The following LDAH variants were observed in gnomAD, a reference collection of about 807,000 sequenced individuals.
LDAH encodes lipid droplet-associated hydrolase.
A neutral mutation model predicts 29.6 loss-of-function variants in LDAH; 26 were observed. The observed-to-expected ratio is 0.88, with a 90% confidence interval of 0.64 to 1.22. The LOEUF (loss-of-function observed/expected upper bound fraction) is 1.22, where lower values mean the gene tolerates loss of function less well. Ranked by LOEUF, LDAH falls within the 50% of genes most tolerant of loss-of-function variation. The pLI is 0.00. For synonymous variants in LDAH, 117 were observed against 133.0 expected (o/e 0.88, Z 0.83); for missense variants, 344 against 387.3 (o/e 0.89, Z 0.94).
At chr2:20,696,548 A>G (rs551859360) in intron 6 of LDAH, among the ~76,000 whole-genome samples, 1 of 152,366 alleles carries the variant, frequency 6.6e-6, no homozygotes, top group East Asian at 1.9e-4. Context: ...GTCTGGCAGT[A>G]GCACACACCA....
intron 2 of LDAH, among the ~76,000 whole-genome samples, chr2:20,792,015 G>A (rs1436150721): frequency 6.6e-6 from 1 of 151,882 alleles, no homozygotes; most frequent in Non-Finnish European, 1.5e-5. Flanking sequence ...AACAGGTAGG[G>A]CAAATCCCTT....
Position 20,698,985 on chromosome 2 carries a change from T to C in LDAH, c.786+2585A>G, listed in dbSNP as rs991233711. On this transcript the variant is annotated intron_variant, in intron 6 of 6. Transcript: ENST00000237822. The surrounding 1 kb of genome is among the most constrained non-coding windows in gnomAD (Gnocchi z 4.4). ...ATTTAGAACCAAAGCCTGTAGATTA[T>C]GGTATGATAGTTCTCTTGGGGAGGA... Among the ~76,000 whole-genome samples the C allele has an allele frequency of 6.6e-6, 1 of 152,166 alleles. No individual in the cohort carries two copies. The highest frequency in any genetic ancestry group is 1.5e-5 in the Non-Finnish European group (1 of 68,036).
chr2:20,796,430 T>C (rs1013518871), intron 2 of LDAH, among the ~76,000 whole-genome samples: 2 of 152,190 alleles, frequency 1.3e-5, no homozygotes, highest in African/African-American at 2.4e-5. Context: ...AAGCCATCTA[T>C]TTCCATCTAT....
chr2:20,725,026 A>G (rs1023896636), intron 5 of LDAH, among the ~76,000 whole-genome samples: 2 of 152,188 alleles, frequency 1.3e-5, no homozygotes, highest in African/African-American at 2.4e-5. Context: ...ACCGCAATAT[A>G]TATGTGAGTT....
At chr2:20,760,180 A>G (rs1415372188) in intron 4 of LDAH, among the ~76,000 whole-genome samples, 1 of 152,150 alleles carries the variant, frequency 6.6e-6, no homozygotes, top group Non-Finnish European at 1.5e-5. Flanking sequence ...AATTGAGTGG[A>G]GTAGGAAGAG....
intron 5 of LDAH, among the ~76,000 whole-genome samples, chr2:20,709,845 T>A (rs1457308169): frequency 2.0e-5 from 3 of 152,110 alleles, no homozygotes; most frequent in African/African-American, 7.2e-5. Flanking sequence ...TGGCACATGC[T>A]AAACCATGAA....
At chr2:20,690,306 T>C (rs1390902457) in intron 6 of LDAH, among the ~76,000 whole-genome samples, 1 of 152,180 alleles carries the variant, frequency 6.6e-6, no homozygotes, top group Non-Finnish European at 1.5e-5. Context: ...GGTGTCAGTG[T>C]TCAAGACAGC....
chr2:20,774,874 A>C lies in LDAH; in HGVS notation c.404T>G (p.Leu135Arg). The change falls in exon 4 of 7, where the codon CTC becomes CGC. Residue 135 changes from leucine to arginine, a missense_variant. By Grantham distance (102) the Leu-to-Arg change is moderately radical. Transcript: ENST00000237822. Reference sequence around the variant, plus strand: ...ATAGCTGCCTATTGAATGGCCAATGAGCACAAGTTTCATGTCCTTTGGCAC... The same window carrying C: ...ATAGCTGCCTATTGAATGGCCAATGCGCACAAGTTTCATGTCCTTTGGCAC... ...THVPKDMKLV[L>R]IGHSIGSYFT... The C allele has an allele frequency of 6.2e-7, 1 of 1,613,638 alleles. No homozygotes were observed. Among genetic ancestry groups the C allele is most frequent in the Non-Finnish European group, 8.5e-7 (1 of 1,179,966 alleles).
At chr2:20,713,024 C>T (rs531954411) in intron 5 of LDAH, among the ~76,000 whole-genome samples, 5 of 151,574 alleles carry the variant, frequency 3.3e-5, no homozygotes, top group African/African-American at 7.3e-5. Context: ...ATTCAAATTC[C>T]GGAAATACAG....
intron 5 of LDAH, among the ~76,000 whole-genome samples, chr2:20,735,781 C>T (rs1236975380): frequency 1.3e-5 from 2 of 152,222 alleles, no homozygotes; most frequent in Non-Finnish European, 2.9e-5. Flanking sequence ...CTTCTGTTGA[C>T]ACCCAAGGGA....
At chr2:20,744,921 C>T (rs183280165) in intron 4 of LDAH, among the ~76,000 whole-genome samples, 17 of 152,118 alleles carry the variant, frequency 1.1e-4, no homozygotes, top group Non-Finnish European at 1.5e-5. Flanking sequence ...GCTCTAGTAA[C>T]TTGTGGCTCT....
intron 4 of LDAH, among the ~76,000 whole-genome samples, chr2:20,740,906 T>C (rs1667126292): frequency 6.6e-6 from 1 of 152,218 alleles, no homozygotes. Flanking sequence ...AGGTGCTCCA[T>C]ATCCTGCTGT....
chr2:20,753,416 A>C (rs1668097927), intron 4 of LDAH, among the ~76,000 whole-genome samples: 2 of 152,228 alleles, frequency 1.3e-5, no homozygotes, highest in South Asian at 4.1e-4. Context: ...AAATACAACT[A>C]TCACTGGCTG....
At chr2:20,812,883 T>C (rs1477532673) in intron 1 of LDAH, among the ~76,000 whole-genome samples, 2 of 152,330 alleles carry the variant, frequency 1.3e-5, no homozygotes, top group South Asian at 2.1e-4. Context: ...ACAGATGCTA[T>C]CTAAATTTAA....
At position 20,754,992 on chromosome 2, in the gene LDAH, T is replaced by C. The variant is rs140809431; in HGVS notation, c.469-14787A>G. ...TACATCAATATTACATTTACTGACA[T>C]TGATAACTGTACTGTGGTTGATTAA... is the stretch of plus-strand genomic sequence containing the variant. On this transcript the variant is annotated intron_variant, in intron 4 of 6. Coordinates refer to ENST00000237822, the MANE Select transcript of LDAH (RefSeq NM_021925.4). 2.8e-4 allele frequency among the ~76,000 whole-genome samples: 43 copies of C among 152,256 alleles called. 1 individual carries two copies. In the East Asian group the frequency reaches 8.3e-3, roughly 29 times the overall value.
At chr2:20,788,669 T>A (rs1022528328) in intron 3 of LDAH, among the ~76,000 whole-genome samples, 46 of 152,038 alleles carry the variant, frequency 3.0e-4, no homozygotes, top group African/African-American at 1.1e-3. Flanking sequence ...AGAAGCAAAC[T>A]GGGCAATGAA....
At position 20,735,741 on chromosome 2, in the gene LDAH, C is replaced by G. The variant is rs568952351; in HGVS notation, c.703+4230G>C. Reference sequence around the variant, plus strand: ...TTAGATGTTTTTTTCACTATGGCCACGTAGGGTAGAGTCTAAGTTACCCAT... The same window carrying G: ...TTAGATGTTTTTTTCACTATGGCCAGGTAGGGTAGAGTCTAAGTTACCCAT... On this transcript the variant is annotated intron_variant, in intron 5 of 6. Transcript: ENST00000237822. Among the ~76,000 whole-genome samples, 217 of 152,170 alleles carry G rather than the reference C, an allele frequency of 1.4e-3. 4 individuals carry two copies. In the South Asian group the frequency reaches 0.042, roughly 29 times the overall value.
In LDAH at chr2:20,684,743, G is replaced by A. The variant is rs1030617657; in HGVS notation, c.*2160C>T. The A allele has an allele frequency of 7.7e-6, 7 of 911,216 alleles. No homozygotes were observed. Among genetic ancestry groups the A allele is most frequent in the African/African-American group, 5.0e-5 (3 of 59,604 alleles). 56.4% of individuals were successfully genotyped at this position (911,216 alleles called of 1,614,324 possible). On this transcript the variant is annotated 3_prime_UTR_variant, in exon 7 of 7. Transcript: ENST00000237822. Reference sequence around the variant, plus strand: ...ACACGGGTGTGGTCAAAGCTCAATCGCTGAGCACTCGGTAACTCTGCAGGA... The same window carrying A: ...ACACGGGTGTGGTCAAAGCTCAATCACTGAGCACTCGGTAACTCTGCAGGA...
intron 4 of LDAH, among the ~76,000 whole-genome samples, chr2:20,747,365 G>C (rs1341761478): frequency 6.6e-6 from 1 of 152,022 alleles, no homozygotes. Flanking sequence ...TTATGGCAGG[G>C]TGCTTCTCCA....
Sources: allele counts gnomAD v4.1 joint callset (sites outside exome capture counted in the v4.1 genomes callset), GRCh38; gene constraint gnomAD v4.1.1; non-coding constraint Gnocchi (gnomAD v3.1); transcripts MANE v1.5; gene names NCBI Gene and HGNC (gene_info 2026-07-23, HGNC 2026-07-21).